Variants in GFOD2 observed in about 807,000 individuals in gnomAD.
The protein encoded by GFOD2 is glucose-fructose oxidoreductase domain-containing protein 2.
A neutral mutation model predicts 24.6 loss-of-function variants in GFOD2; 9 were observed. That is an observed-to-expected ratio of 0.37 (90% CI 0.22 to 0.64). GFOD2 has a LOEUF of 0.64. Ranked by LOEUF, GFOD2 falls within the 30% of genes least tolerant of loss-of-function variation. The pLI is 0.65. For missense variants in GFOD2, 476 were observed against 532.5 expected (o/e 0.89, Z 1.04); for synonymous variants, 211 against 224.8 (o/e 0.94, Z 0.55).
intron 2 of GFOD2, chr16:67,683,561 T>C: frequency 8.1e-7 from 1 of 1,231,744 alleles, no homozygotes; most frequent in Non-Finnish European, 1.0e-6. Context: ...AACTCCAATG[T>C]CACACATCCT....
chr16:67,688,088 G>A (rs1597794815), intron 1 of GFOD2, among the ~76,000 whole-genome samples: 2 of 152,184 alleles, frequency 1.3e-5, no homozygotes, highest in African/African-American at 4.8e-5. Context: ...GTTAGATAAA[G>A]AATGCTGTGG....
chr16:67,705,448 T>A (rs540503055), intron 1 of GFOD2, among the ~76,000 whole-genome samples: 62 of 152,276 alleles, frequency 4.1e-4, no homozygotes, highest in Admixed American at 1.3e-3. Flanking sequence ...CCTCAAGTTA[T>A]CCACCCATCT....
intron 1 of GFOD2, among the ~76,000 whole-genome samples, chr16:67,705,373 A>AAT (rs995417207): frequency 6.6e-6 from 1 of 151,928 alleles, no homozygotes; most frequent in African/African-American, 2.4e-5. Flanking sequence ...ATGCCCAGCT[A>AAT]ATTTTTGTAT....
intron 1 of GFOD2, among the ~76,000 whole-genome samples, chr16:67,699,819 A>C (rs892006098): frequency 6.6e-6 from 1 of 151,992 alleles, no homozygotes; most frequent in Non-Finnish European, 1.5e-5. Context: ...AAGAAAAAAA[A>C]AAAAGGCCAG....
intron 1 of GFOD2, among the ~76,000 whole-genome samples, chr16:67,696,267 C>T (rs796724615): frequency 2.5e-4 from 38 of 151,562 alleles, no homozygotes; most frequent in African/African-American, 8.0e-4. Context: ...CCCGCCTCAG[C>T]CTCCCAAAGT....
chr16:67,708,716 C>T (rs1013133980), intron 1 of GFOD2, among the ~76,000 whole-genome samples: 1 of 152,146 alleles, frequency 6.6e-6, no homozygotes. Flanking sequence ...AAGGGCCACT[C>T]ACCATGAGAC....
chr16:67,690,697 A>G (rs1386701024), intron 1 of GFOD2, among the ~76,000 whole-genome samples: 1 of 152,204 alleles, frequency 6.6e-6, no homozygotes, highest in Non-Finnish European at 1.5e-5. Flanking sequence ...TTATATGTAC[A>G]CTTTCCTGAA....
Position 67,675,389 on chromosome 16 carries a change from G to A in GFOD2, c.924C>T (p.Val308=), listed in dbSNP as rs1161356245. 1 of 1,613,400 alleles carries A rather than the reference G, an allele frequency of 6.2e-7. No individual in the cohort carries two copies. The highest frequency in any genetic ancestry group is 1.1e-5 in the South Asian group (1 of 91,062). ...ACTGGCGCAAGGCCTGCACCATGTA[G>A]ACCATGCCCTTCAGGTACAGCAGCG... ...DVPLLYLKGM[V]YMVQALRQSF... The change falls in exon 3 of 3, where the codon GTC becomes GTT. Residue 308 remains valine, a synonymous_variant. Transcript: ENST00000268797.
intron 1 of GFOD2, among the ~76,000 whole-genome samples, chr16:67,687,014 G>A (rs1782648325): frequency 6.6e-6 from 1 of 151,838 alleles, no homozygotes; most frequent in South Asian, 2.1e-4. Context: ...CAGGTGTGGT[G>A]GTGCAAGCCT....
intron 1 of GFOD2, among the ~76,000 whole-genome samples, chr16:67,704,839 G>A (rs1290768441): frequency 6.6e-6 from 1 of 152,214 alleles, no homozygotes; most frequent in Non-Finnish European, 1.5e-5. Flanking sequence ...TGTTTGATGA[G>A]ATGTTCTTGC....
At position 67,685,471 on chromosome 16, in the gene GFOD2, G is replaced by T; in HGVS notation, c.245C>A (p.Ser82Tyr). The change falls in exon 2 of 3, where the codon TCC becomes TAC. Residue 82 changes from serine (S) to tyrosine (Y), a missense_variant. Coordinates refer to ENST00000268797, the MANE Select transcript of GFOD2 (RefSeq NM_030819.4). ...GCCGGGCGTACCTAGAGCCTTCACG[G>T]ATATCTGCCGGGTGAGTGGAGGGGG... ...SIPPPLTRQISVKALGIGKNV... is the reference protein window; with the variant it reads ...SIPPPLTRQIYVKALGIGKNV... 1 of 1,614,148 alleles carries T rather than the reference G, an allele frequency of 6.2e-7. No homozygotes were observed. Among genetic ancestry groups the T allele is most frequent in the Non-Finnish European group, 8.5e-7 (1 of 1,180,022 alleles).
At chr16:67,711,228 G>A (rs1333361393) in intron 1 of GFOD2, among the ~76,000 whole-genome samples, 1 of 152,212 alleles carries the variant, frequency 6.6e-6, no homozygotes. Flanking sequence ...CCAAGCTTCA[G>A]CTATCTCATC....
chr16:67,679,909 C>CAAA (rs1291533295), intron 2 of GFOD2, among the ~76,000 whole-genome samples: 2 of 150,942 alleles, frequency 1.3e-5, no homozygotes, highest in African/African-American at 4.9e-5. Flanking sequence ...ACAACAACAA[C>CAAA]AACAAAAAAA....
intron 2 of GFOD2, chr16:67,677,681 CGAGA>C (rs910482155): frequency 2.0e-5 from 3 of 152,378 alleles, no homozygotes; most frequent in Admixed American, 6.5e-5. Context: ...GGTTAGGAAA[CGAGA>C]CTGAAAGCAT....
intron 1 of GFOD2, among the ~76,000 whole-genome samples, chr16:67,699,514 C>T (rs755331877): frequency 6.6e-6 from 1 of 152,026 alleles, no homozygotes; most frequent in African/African-American, 2.4e-5. Flanking sequence ...GACAGAGTCT[C>T]ACTCTGTCAC....
rs73599505 is a variant in GFOD2, at chr16:67,676,155, C to T, written c.260-102G>A. On this transcript the variant is annotated intron_variant, in intron 2 of 2. Transcript: ENST00000268797. ...TGGACTTCTCTGCCTTACAACTGCA[C>T]GAACTAATTTTTTTTTCTTTTTTGT... is the stretch of plus-strand genomic sequence containing the variant. The T allele has an allele frequency of 1.1e-3, 1,294 of 1,165,172 alleles. 15 individuals carry two copies. The African/African-American group carries it at 0.018, about 16-fold the overall frequency. The allele number at this position is 1,165,172 out of a possible 1,614,324, so 72.2% of individuals were successfully genotyped here.
chr16:67,699,655 T>G (rs2053386333), intron 1 of GFOD2, among the ~76,000 whole-genome samples: 1 of 152,062 alleles, frequency 6.6e-6, no homozygotes, highest in African/African-American at 2.4e-5. Flanking sequence ...GGCTAATTTT[T>G]GTACATTTTG....
rs1434636628 is a variant in GFOD2 at position 67,674,974 on chromosome 16, C to G, written c.*181G>C. On this transcript the variant is annotated 3_prime_UTR_variant, in exon 3 of 3. Coordinates refer to ENST00000268797, the MANE Select transcript of GFOD2 (RefSeq NM_030819.4). ...ACCTGGCAACAGGAACATTTGCCAC[C>G]CTGCAAGTCTGAGGAGCAGATGAGC... 3.0e-6 allele frequency: 2 copies of G among 676,162 alleles called. No individual in the cohort carries two copies. The highest frequency in any genetic ancestry group is 3.6e-5 in the African/African-American group (2 of 55,398). The allele number at this position is 676,162 out of a possible 1,614,324, so 41.9% of individuals were successfully genotyped here. A position where few individuals can be genotyped will look rare whatever the true frequency, so the allele number is the denominator to read the frequency against.
intron 1 of GFOD2, among the ~76,000 whole-genome samples, chr16:67,716,265 T>C (rs938656772): frequency 7.9e-5 from 12 of 152,218 alleles, no homozygotes; most frequent in African/African-American, 2.7e-4. Context: ...TCCTCATGGT[T>C]GGCCTGTCAA....
Sources: allele counts gnomAD v4.1 joint callset (sites outside exome capture counted in the v4.1 genomes callset), GRCh38; gene constraint gnomAD v4.1.1; transcripts MANE v1.5; gene names NCBI Gene and HGNC (gene_info 2026-07-23, HGNC 2026-07-21).